RALYL: variants seen among roughly 807,000 people sequenced by gnomAD.
RALYL encodes the protein RALY RNA binding protein like, also known as RNA-binding Raly-like protein.
RALYL carries 29 observed loss-of-function variants against 35.1 expected under a neutral mutation model. That is an observed-to-expected ratio of 0.83 (90% CI 0.61 to 1.13). The LOEUF (loss-of-function observed/expected upper bound fraction) is 1.13. RALYL is among the 50% of genes most tolerant of loss of function. The pLI is 0.00. For synonymous variants in RALYL, 120 were observed against 127.6 expected (o/e 0.94, Z 0.40); for missense variants, 359 against 360.4 (o/e 1.00, Z 0.03).
intron 6 of RALYL, chr8:84,864,757 A>G: frequency 1.7e-6 from 1 of 602,064 alleles, no homozygotes. Flanking sequence ...TTTACATGGT[A>G]GAAAACAGGG....
intron 2 of RALYL, among the ~76,000 whole-genome samples, chr8:84,690,847 G>A (rs1006655291): frequency 6.6e-6 from 1 of 151,900 alleles, no homozygotes. Flanking sequence ...TGGATTATGA[G>A]GACCCAGATT....
intron 2 of RALYL, among the ~76,000 whole-genome samples, chr8:84,724,597 G>A (rs1274725135): frequency 1.3e-5 from 2 of 151,646 alleles, no homozygotes; most frequent in Non-Finnish European, 3.0e-5. Context: ...AACTTCTAAA[G>A]CAACTTTGTT....
At chr8:84,327,124 G>T (rs1280137537) in intron 1 of RALYL, among the ~76,000 whole-genome samples, 1 of 152,042 alleles carries the variant, frequency 6.6e-6, no homozygotes, top group Non-Finnish European at 1.5e-5. Flanking sequence ...TATTGTGAAA[G>T]GGGGTGGTAG....
At position 84,887,654 on chromosome 8, in the gene RALYL, T is replaced by A. The variant is rs764850044; in HGVS notation, c.736T>A (p.Cys246Ser). 6.2e-7 allele frequency: 1 copy of A among 1,613,070 alleles called. No individual in the cohort carries two copies. Among genetic ancestry groups the A allele is most frequent in the East Asian group, 2.2e-5 (1 of 44,820 alleles). Reference sequence around the variant, plus strand: ...GAGTCTAGTGCTGATCCAAGAGGAATGTGTGTCAGAGATTGCAGATCACTC... The same window carrying A: ...GAGTCTAGTGCTGATCCAAGAGGAAAGTGTGTCAGAGATTGCAGATCACTC... Reference protein sequence around the residue: ...EESLVLIQEECVSEIADHSTE... With the variant: ...EESLVLIQEESVSEIADHSTE... Residue 246 changes from cysteine to serine, a missense_variant, in exon 8 of 9, where the codon TGT becomes AGT. Cys to Ser is a moderately radical substitution (Grantham distance 112). Transcript: ENST00000521268.
chr8:84,734,293 T>G (rs1275568659), intron 2 of RALYL, among the ~76,000 whole-genome samples: 1 of 152,178 alleles, frequency 6.6e-6, no homozygotes, highest in Non-Finnish European at 1.5e-5. Context: ...ATAAATATCT[T>G]TACTCATCTT....
At chr8:84,530,057 T>G (rs962459703) in intron 2 of RALYL, among the ~76,000 whole-genome samples, 2 of 152,164 alleles carry the variant, frequency 1.3e-5, no homozygotes, top group Admixed American at 6.5e-5. Context: ...ATTCACATTT[T>G]AAAAATCTAG....
At chr8:84,566,384 A>G (rs1315478466) in intron 2 of RALYL, among the ~76,000 whole-genome samples, 1 of 151,530 alleles carries the variant, frequency 6.6e-6, no homozygotes, top group East Asian at 1.9e-4. Context: ...TCCTAAATTA[A>G]AAGAAAATTA....
chr8:84,650,842 A>G lies in RALYL; in HGVS notation c.256+121265A>G, dbSNP rs567562933. ...CAACCCAAATGTCCAACAATGATAG[A>G]CTGGATTAAGAAAATGTGGCACATA... is the stretch of plus-strand genomic sequence containing the variant. On this transcript the variant is annotated intron_variant, in intron 2 of 8. Transcript: ENST00000521268. Among the ~76,000 whole-genome samples, 323 of 152,214 alleles carry G rather than the reference A, an allele frequency of 2.1e-3. 1 individual carries two copies. Among genetic ancestry groups the G allele is most frequent in the African/African-American group, 7.3e-3 (302 of 41,548 alleles).
intron 3 of RALYL, among the ~76,000 whole-genome samples, chr8:84,799,710 A>G (rs1353078043): frequency 1.3e-5 from 2 of 152,242 alleles, no homozygotes; most frequent in African/African-American, 4.8e-5. Context: ...TAATCCCAGC[A>G]CTTTGGGAGG....
intron 2 of RALYL, among the ~76,000 whole-genome samples, chr8:84,564,595 G>T (rs2061662143): frequency 6.6e-6 from 1 of 151,604 alleles, no homozygotes; most frequent in Non-Finnish European, 1.5e-5. Flanking sequence ...GTAGTTTCTA[G>T]ATCTTTTATT....
chr8:84,689,185 G>A (rs530685040), intron 2 of RALYL, among the ~76,000 whole-genome samples: 41 of 151,854 alleles, frequency 2.7e-4, no homozygotes, highest in African/African-American at 8.9e-4. Context: ...CCACTAACTC[G>A]TCATCTAGCA....
intron 1 of RALYL, among the ~76,000 whole-genome samples, chr8:84,382,171 T>C (rs1025611828): frequency 6.0e-5 from 9 of 150,204 alleles, no homozygotes; most frequent in Non-Finnish European, 7.4e-5. Context: ...CTAGTTAAAA[T>C]ACATTTGGGA....
intron 2 of RALYL, among the ~76,000 whole-genome samples, chr8:84,743,798 A>G (rs1807941764): frequency 6.6e-6 from 1 of 152,118 alleles, no homozygotes; most frequent in Non-Finnish European, 1.5e-5. Context: ...GCTAATGGAT[A>G]AATTTTGAAG....
chr8:84,198,055 T>C (rs776829018), intron 1 of RALYL, among the ~76,000 whole-genome samples: 58 of 152,152 alleles, frequency 3.8e-4, no homozygotes, highest in Admixed American at 1.9e-3. Flanking sequence ...CTTTTCTAGA[T>C]ATTTTCAATA....
intron 1 of RALYL, among the ~76,000 whole-genome samples, chr8:84,388,789 G>A (rs1288313905): frequency 6.6e-6 from 1 of 151,980 alleles, no homozygotes; most frequent in Non-Finnish European, 1.5e-5. Flanking sequence ...CCATTTTGTG[G>A]GTTGCCTGTT....
chr8:84,817,649 G>A (rs1052656504), intron 4 of RALYL, among the ~76,000 whole-genome samples: 1 of 151,880 alleles, frequency 6.6e-6, no homozygotes, highest in African/African-American at 2.4e-5. Context: ...CAACCTCCCA[G>A]GCCCAAGTGA....
At chr8:84,906,207 G>T (rs1297738115) in intron 8 of RALYL, among the ~76,000 whole-genome samples, 4 of 152,010 alleles carry the variant, frequency 2.6e-5, no homozygotes, top group Admixed American at 2.6e-4. Context: ...TTCTTTTCAA[G>T]TTTATTTTTT....
intron 2 of RALYL, among the ~76,000 whole-genome samples, chr8:84,731,917 C>A (rs1781867992): frequency 6.6e-6 from 1 of 152,086 alleles, no homozygotes; most frequent in African/African-American, 2.4e-5. Context: ...CTTGGATAAG[C>A]TGGGACTTTG....
chr8:84,339,048 C>T (rs1207968199), intron 1 of RALYL, among the ~76,000 whole-genome samples: 1 of 152,044 alleles, frequency 6.6e-6, no homozygotes, highest in Admixed American at 6.6e-5. Context: ...CAGGGTGGCG[C>T]AGACATGATC....
Sources: allele counts gnomAD v4.1 joint callset (sites outside exome capture counted in the v4.1 genomes callset), GRCh38; gene constraint gnomAD v4.1.1; transcripts MANE v1.5; gene names NCBI Gene and HGNC (gene_info 2026-07-23, HGNC 2026-07-21).